The following HS6ST3 variants were observed in gnomAD, a reference collection of about 807,000 sequenced individuals.
The protein encoded by HS6ST3 is heparan sulfate 6-O-sulfotransferase 3.
HS6ST3 carries 12 observed loss-of-function variants against 36.7 expected under a neutral mutation model. The observed-to-expected ratio is 0.33, with a 90% confidence interval of 0.21 to 0.53. The LOEUF is 0.53. HS6ST3 is among the 20% of genes least tolerant of loss of function. HS6ST3 has a pLI of 0.95. For synonymous variants in HS6ST3, 240 were observed against 257.5 expected (o/e 0.93, Z 0.65); for missense variants, 584 against 640.9 (o/e 0.91, Z 0.96).
At chr13:96,272,865 CA>C (rs147219071) in intron 1 of HS6ST3, among the ~76,000 whole-genome samples, 1 of 151,600 alleles carries the variant, frequency 6.6e-6, no homozygotes, top group Non-Finnish European at 1.5e-5. Context: ...TACAGTGAGC[CA>C]AAAAAATACC....
chr13:96,380,789 G>C (rs2055337147), intron 1 of HS6ST3, among the ~76,000 whole-genome samples: 1 of 152,016 alleles, frequency 6.6e-6, no homozygotes, highest in Non-Finnish European at 1.5e-5. Context: ...ATGTTCATTT[G>C]TTTCTTCATA....
chr13:96,388,975 A>G lies in HS6ST3; in HGVS notation c.707+297406A>G, dbSNP rs147747561. The stretch of plus-strand genomic sequence containing the variant: ...TCTTCATAGTGCTGTGAGAATGGAC[A>G]TACACTACTTTTGGCTACATCCTTA... On this transcript the variant is annotated intron_variant, in intron 1 of 1. Coordinates refer to ENST00000376705, the MANE Select transcript of HS6ST3 (RefSeq NM_153456.4). Among the ~76,000 whole-genome samples the G allele has an allele frequency of 7.9e-4, 121 of 152,304 alleles. 3 individuals carry two copies. Among genetic ancestry groups the G allele is most frequent in the African/African-American group, 2.8e-3 (118 of 41,568 alleles).
chr13:96,600,187 T>C (rs1477874539), intron 1 of HS6ST3, among the ~76,000 whole-genome samples: 9 of 152,118 alleles, frequency 5.9e-5, no homozygotes, highest in Admixed American at 4.6e-4. Context: ...TGTTTCTTTG[T>C]TGGCTGTCTG....
At chr13:96,514,113 A>T (rs1027178222) in intron 1 of HS6ST3, among the ~76,000 whole-genome samples, 1 of 152,082 alleles carries the variant, frequency 6.6e-6, no homozygotes, top group Non-Finnish European at 1.5e-5. Flanking sequence ...GATTTTTCAA[A>T]TGGTCGCTGT....
At chr13:96,688,696 A>G (rs554241250) in intron 1 of HS6ST3, among the ~76,000 whole-genome samples, 1 of 152,170 alleles carries the variant, frequency 6.6e-6, no homozygotes, top group South Asian at 2.1e-4. Context: ...CTTTAAGGTG[A>G]CCTATTTAGC....
At chr13:96,388,510 G>A (rs1235920762) in intron 1 of HS6ST3, among the ~76,000 whole-genome samples, 1 of 152,138 alleles carries the variant, frequency 6.6e-6, no homozygotes, top group Non-Finnish European at 1.5e-5. Context: ...AATTAGAATG[G>A]GCCCATAGGC....
chr13:96,113,816 T>G (rs113474489), intron 1 of HS6ST3, among the ~76,000 whole-genome samples: 3,168 of 152,234 alleles, frequency 0.021, 98 homozygotes, highest in African/African-American at 0.073. Context: ...AGAAAGTATA[T>G]GCACTAATAT....
intron 1 of HS6ST3, among the ~76,000 whole-genome samples, chr13:96,486,021 C>G (rs1354778044): frequency 7.7e-6 from 1 of 129,714 alleles, no homozygotes; most frequent in Non-Finnish European, 1.6e-5. Flanking sequence ...CCCCTCCCCC[C>G]ACCCCACAAC....
intron 1 of HS6ST3, among the ~76,000 whole-genome samples, chr13:96,435,903 A>G (rs1309688622): frequency 2.0e-5 from 3 of 152,166 alleles, no homozygotes; most frequent in African/African-American, 7.2e-5. Context: ...GATCTCAACT[A>G]TAGTAACATT....
rs185224003 is a variant in HS6ST3 at position 96,296,791 on chromosome 13, C to T, written c.707+205222C>T. 2.9e-3 allele frequency among the ~76,000 whole-genome samples: 441 copies of T among 152,088 alleles called. 9 individuals are homozygous for T. Among genetic ancestry groups the T allele is most frequent in the Non-Finnish European group, 3.2e-4 (22 of 67,968 alleles). ...TCTTTTAAACCTTTATAGTTTCATT[C>T]GAATGTTTTACCAGGAACATTTCCA... On this transcript the variant is annotated intron_variant, in intron 1 of 1. Coordinates refer to ENST00000376705, the MANE Select transcript of HS6ST3 (RefSeq NM_153456.4).
At chr13:96,373,354 C>G (rs1215224772) in intron 1 of HS6ST3, among the ~76,000 whole-genome samples, 1 of 152,124 alleles carries the variant, frequency 6.6e-6, no homozygotes, top group East Asian at 1.9e-4. Flanking sequence ...AGTACATGAT[C>G]TTTAAATATT....
intron 1 of HS6ST3, among the ~76,000 whole-genome samples, chr13:96,347,679 A>G (rs1490656168): frequency 6.6e-6 from 1 of 152,242 alleles, no homozygotes; most frequent in Non-Finnish European, 1.5e-5. Flanking sequence ...TCAGAGGAAC[A>G]GAACATATAA....
intron 1 of HS6ST3, among the ~76,000 whole-genome samples, chr13:96,652,949 T>G (rs2056612514): frequency 6.6e-6 from 1 of 152,056 alleles, no homozygotes; most frequent in Admixed American, 6.6e-5. Flanking sequence ...ACTATAATAG[T>G]CATCAATAAA....
At chr13:96,126,797 G>T (rs1413908498) in intron 1 of HS6ST3, among the ~76,000 whole-genome samples, 1 of 152,130 alleles carries the variant, frequency 6.6e-6, no homozygotes, top group African/African-American at 2.4e-5. Flanking sequence ...CAAATGTTCA[G>T]CCTGTTGCCA....
At chr13:96,099,292 A>G (rs2053806562) in intron 1 of HS6ST3, among the ~76,000 whole-genome samples, 1 of 152,182 alleles carries the variant, frequency 6.6e-6, no homozygotes, top group African/African-American at 2.4e-5. Context: ...AACCTGTAGC[A>G]TCTTTTTTGA....
chr13:96,549,279 T>C (rs1371121201), intron 1 of HS6ST3, among the ~76,000 whole-genome samples: 1 of 152,204 alleles, frequency 6.6e-6, no homozygotes, highest in East Asian at 1.9e-4. Flanking sequence ...AGAACTTCTG[T>C]AGCCTGTAGG....
chr13:96,401,513 A>G (rs2055451004), intron 1 of HS6ST3, among the ~76,000 whole-genome samples: 1 of 152,176 alleles, frequency 6.6e-6, no homozygotes, highest in Admixed American at 6.5e-5. Context: ...AGTTTCTTAT[A>G]GTTTTATTTG....
intron 1 of HS6ST3, among the ~76,000 whole-genome samples, chr13:96,382,540 T>TAA (rs1312739549): frequency 6.6e-6 from 1 of 152,242 alleles, no homozygotes; most frequent in African/African-American, 2.4e-5. Flanking sequence ...CCTTCTTTCC[T>TAA]TTTTGTTTTT....
intron 1 of HS6ST3, among the ~76,000 whole-genome samples, chr13:96,639,565 AGATTCAAGG>A (rs1235073787): frequency 6.6e-6 from 1 of 152,062 alleles, no homozygotes; most frequent in Non-Finnish European, 1.5e-5. Flanking sequence ...CTTTTATTTT[AGATTCAAGG>A]GATACGTGTG....
Sources: allele counts gnomAD v4.1 joint callset (sites outside exome capture counted in the v4.1 genomes callset), GRCh38; gene constraint gnomAD v4.1.1; transcripts MANE v1.5; gene names NCBI Gene and HGNC (gene_info 2026-07-23, HGNC 2026-07-21).